MLNR: variants seen among roughly 807,000 people sequenced by gnomAD.
The protein encoded by MLNR is G protein-coupled receptor 38.
In MLNR, 16 loss-of-function variants were observed where a neutral mutation model predicts 20.0. That is an observed-to-expected ratio of 0.80 (90% CI 0.54 to 1.22). The LOEUF is 1.22. Ranked by LOEUF, MLNR falls within the 50% of genes most tolerant of loss-of-function variation. MLNR has a pLI of 0.00. For missense variants in MLNR, 630 were observed against 592.3 expected (o/e 1.06, Z -0.66); for synonymous variants, 302 against 287.2 (o/e 1.05, Z -0.52).
Position 49,220,962 on chromosome 13 carries a change from T to A in MLNR, c.625T>A (p.Trp209Arg), listed in dbSNP as rs1292476393. The change falls in exon 1 of 2, where the codon TGG becomes AGG. Residue 209 changes from tryptophan to arginine, a missense_variant. Transcript: ENST00000218721. The surrounding 1 kb of genome is among the most constrained non-coding windows in gnomAD (Gnocchi z 4.4). ...SSPLASSPPL[W>R]LSRAPPPSPP... Reference sequence around the variant, plus strand: ...GCCTCTCGCCTCGTCGCCGCCTCTCTGGCTCTCGCGGGCGCCACCGCCGTC... The same window carrying A: ...GCCTCTCGCCTCGTCGCCGCCTCTCAGGCTCTCGCGGGCGCCACCGCCGTC... 6.7e-7 allele frequency: 1 copy of A among 1,500,210 alleles called. No homozygotes were observed. The allele number at this position is 1,500,210 out of a possible 1,614,324, so 92.9% of individuals were successfully genotyped here. A position where few individuals can be genotyped will look rare whatever the true frequency, so the allele number is the denominator to read the frequency against.
chr13:49,220,703 C>G lies in MLNR; in HGVS notation c.366C>G (p.Thr122=). 6.3e-7 allele frequency: 1 copy of G among 1,595,700 alleles called. No individual in the cohort carries two copies. Among genetic ancestry groups the G allele is most frequent in the East Asian group, 2.3e-5 (1 of 43,542 alleles). The change falls in exon 1 of 2, where the codon ACC becomes ACG. Residue 122 remains threonine, a synonymous_variant. Coordinates refer to ENST00000218721, the MANE Select transcript of MLNR (RefSeq NM_001507.1). This position sits in a 1 kb window ranked among gnomAD's most constrained non-coding sequence, Gnocchi z 4.4. ...RLSLYVGEGC[T]YATLLHMTAL... is the part of the protein sequence containing the mutation. Reference sequence around the variant, plus strand: ...CCCTCTACGTGGGCGAGGGCTGCACCTACGCCACGCTGCTGCACATGACCG... The same window carrying G: ...CCCTCTACGTGGGCGAGGGCTGCACGTACGCCACGCTGCTGCACATGACCG...
Position 49,222,025 on chromosome 13 carries a change from T to C in MLNR, c.902-15T>C. ...AATGCTTTTGTTAATCCCGGTGCTG[T>C]GTCTTATGTTGCAGTGGTGGTGGTT... is the stretch of plus-strand genomic sequence containing the variant. On this transcript the variant is annotated splice_polypyrimidine_tract_variant and intron_variant, in intron 1 of 1. Coordinates refer to ENST00000218721, the MANE Select transcript of MLNR (RefSeq NM_001507.1). 6.2e-7 allele frequency: 1 copy of C among 1,606,086 alleles called. No individual in the cohort carries two copies. The highest frequency in any genetic ancestry group is 8.5e-7 in the Non-Finnish European group (1 of 1,174,342).
At position 49,220,537 on chromosome 13, in the gene MLNR, G is replaced by A; in HGVS notation, c.200G>A (p.Arg67Gln). 2.5e-6 allele frequency: 4 copies of A among 1,611,624 alleles called. No homozygotes were observed. The highest frequency in any genetic ancestry group is 1.7e-4 in the Middle Eastern group (1 of 6,058). Reference protein sequence around the residue: ...VVTVMLIGRYRDMRTTTNLYL... With the variant: ...VVTVMLIGRYQDMRTTTNLYL... The stretch of plus-strand genomic sequence containing the variant: ...ACCGTGATGCTGATCGGGCGCTACC[G>A]GGACATGCGGACCACCACCAACTTG... The change falls in exon 1 of 2, where the codon CGG becomes CAG. Residue 67 changes from arginine to glutamine, a missense_variant. Coordinates refer to ENST00000218721, the MANE Select transcript of MLNR (RefSeq NM_001507.1). The surrounding 1 kb of genome is among the most constrained non-coding windows in gnomAD (Gnocchi z 4.4).
rs968580223 is a variant in MLNR at position 49,221,295 on chromosome 13, A to G, written c.901+57A>G. The G allele has an allele frequency of 1.4e-5, 21 of 1,513,700 alleles. No individual in the cohort carries two copies. In the African/African-American group the frequency reaches 1.9e-4, roughly 14 times the overall value. 93.8% of individuals were successfully genotyped at this position (1,513,700 alleles called of 1,614,324 possible). ...CTGCCTGCAGTCCGCCCCGCCGGGGACCGCGCAAACGCTGGGTCCCCTTCC... is the reference window on the plus strand; with the variant it reads ...CTGCCTGCAGTCCGCCCCGCCGGGGGCCGCGCAAACGCTGGGTCCCCTTCC... On this transcript the variant is annotated intron_variant, in intron 1 of 1. Transcript: ENST00000218721.
chr13:49,220,521 C>T lies in MLNR; in HGVS notation c.184C>T (p.Leu62=), dbSNP rs1242685604. 1 of 1,608,296 alleles carries T rather than the reference C, an allele frequency of 6.2e-7. No homozygotes were observed. Among genetic ancestry groups the T allele is most frequent in the Admixed American group, 1.7e-5 (1 of 59,538 alleles). Residue 62 remains leucine, a synonymous_variant, in exon 1 of 2, where the codon CTG becomes TTG. Coordinates refer to ENST00000218721, the MANE Select transcript of MLNR (RefSeq NM_001507.1). This position sits in a 1 kb window ranked among gnomAD's most constrained non-coding sequence, Gnocchi z 4.4. ...GAGCGGCAACGTGGTGACCGTGATG[C>T]TGATCGGGCGCTACCGGGACATGCG... ...GVSGNVVTVM[L]IGRYRDMRTT... is the part of the protein sequence containing the mutation.
chr13:49,221,029 T>A lies in MLNR; in HGVS notation c.692T>A (p.Phe231Tyr). 1 of 1,564,520 alleles carries A rather than the reference T, an allele frequency of 6.4e-7. No homozygotes were observed. The highest frequency in any genetic ancestry group is 8.6e-7 in the Non-Finnish European group (1 of 1,166,032). ...GPETAEAAALFSRECRPSPAQ... is the reference protein window; with the variant it reads ...GPETAEAAALYSRECRPSPAQ... The stretch of plus-strand genomic sequence containing the variant: ...GAGACCGCGGAGGCCGCGGCGCTGT[T>A]CAGCCGCGAATGCCGGCCGAGCCCC... Residue 231 changes from phenylalanine (F) to tyrosine (Y), a missense_variant, in exon 1 of 2, where the codon TTC (phenylalanine) becomes TAC (tyrosine). Coordinates refer to ENST00000218721, the MANE Select transcript of MLNR (RefSeq NM_001507.1).
In MLNR at chr13:49,220,928, C is replaced by A; in HGVS notation, c.591C>A (p.Ile197=). The A allele has an allele frequency of 6.5e-7, 1 of 1,533,304 alleles. No individual in the cohort carries two copies. Among genetic ancestry groups the A allele is most frequent in the Non-Finnish European group, 8.8e-7 (1 of 1,142,408 alleles). The allele number at this position is 1,533,304 out of a possible 1,614,324, so 95.0% of individuals were successfully genotyped here. The change falls in exon 1 of 2, where the codon ATC becomes ATA. Residue 197 remains isoleucine (I), a synonymous_variant. Coordinates refer to ENST00000218721, the MANE Select transcript of MLNR (RefSeq NM_001507.1). This position sits in a 1 kb window ranked among gnomAD's most constrained non-coding sequence, Gnocchi z 4.4. ...CGGGCCTCAATGGCACCGCGCGGAT[C>A]GCCTCCTCGCCTCTCGCCTCGTCGC... ...VVPGLNGTAR[I]ASSPLASSPP... is the part of the protein sequence containing the mutation.
At position 49,221,244 on chromosome 13, in the gene MLNR, T is replaced by C. The variant is rs769124059; in HGVS notation, c.901+6T>C. On this transcript the variant is annotated splice_donor_region_variant and intron_variant, in intron 1 of 1. Transcript: ENST00000218721. ...GCAGACCGTCCGCGTCCTGCGTAAG[T>C]GGAGCCGCCGTGGTTCCAAAGACGC... 58 of 1,560,896 alleles carry C rather than the reference T, an allele frequency of 3.7e-5. No homozygotes were observed. In the Middle Eastern group the frequency reaches 5.5e-4, roughly 15 times the overall value.
Position 49,221,035 on chromosome 13 carries a change from G to T in MLNR, c.698G>T (p.Arg233Leu). 1 of 1,565,078 alleles carries T rather than the reference G, an allele frequency of 6.4e-7. No individual in the cohort carries two copies. The change falls in exon 1 of 2, where the codon CGC becomes CTC. Residue 233 changes from arginine to leucine, a missense_variant. Arg to Leu is a moderately radical substitution (Grantham distance 102). Transcript: ENST00000218721. ...GCGGAGGCCGCGGCGCTGTTCAGCCGCGAATGCCGGCCGAGCCCCGCGCAG... is the reference window on the plus strand; with the variant it reads ...GCGGAGGCCGCGGCGCTGTTCAGCCTCGAATGCCGGCCGAGCCCCGCGCAG... Reference protein sequence around the residue: ...ETAEAAALFSRECRPSPAQLG... With the variant: ...ETAEAAALFSLECRPSPAQLG...
rs780511942 is a variant in MLNR at position 49,221,164 on chromosome 13, G to C, written c.827G>C (p.Ser276Thr). The C allele has an allele frequency of 6.3e-7, 1 of 1,588,072 alleles. No individual in the cohort carries two copies. ...GGGCTCATCGGGCGGGAGCTGTGGA[G>C]CAGCCGGCGGCCGCTGCGAGGCCCG... ...LYGLIGRELW[S>T]SRRPLRGPAA... Residue 276 changes from serine (S) to threonine (T), a missense_variant, in exon 1 of 2, where the codon AGC (serine) becomes ACC (threonine). Transcript: ENST00000218721.
rs1202558377 is a variant in MLNR, at chr13:49,220,802, C to T, written c.465C>T (p.Val155=). 23 of 1,569,168 alleles carry T rather than the reference C, an allele frequency of 1.5e-5. No homozygotes were observed. In the East Asian group the frequency reaches 4.0e-4, roughly 28 times the overall value. The change falls in exon 1 of 2, where the codon GTC becomes GTT. Residue 155 remains valine, a synonymous_variant. Coordinates refer to ENST00000218721, the MANE Select transcript of MLNR (RefSeq NM_001507.1). This position sits in a 1 kb window ranked among gnomAD's most constrained non-coding sequence, Gnocchi z 4.4. ...RARVLVTRRR[V]RALIAVLWAV... ...GCGTCTTGGTCACCCGGCGCCGCGT[C>T]CGCGCGCTCATCGCTGTGCTCTGGG...
intron 1 of MLNR, among the ~76,000 whole-genome samples, chr13:49,221,815 C>A (rs946299020): frequency 3.3e-5 from 5 of 152,200 alleles, no homozygotes; most frequent in Admixed American, 6.5e-5. Flanking sequence ...TGGTTTATGT[C>A]CAGCCTTGAT....
chr13:49,220,367 C>A lies in MLNR; in HGVS notation c.30C>A (p.Gly10=), dbSNP rs540731322. MGSPWNGSD[G]PEGAREPPWP... ...GCAGCCCCTGGAACGGCAGCGACGG[C>A]CCCGAGGGGGCGCGGGAGCCGCCGT... Residue 10 remains glycine, a synonymous_variant, in exon 1 of 2, where the codon GGC becomes GGA. Transcript: ENST00000218721. The surrounding 1 kb of genome is among the most constrained non-coding windows in gnomAD (Gnocchi z 4.4). The A allele has an allele frequency of 2.1e-6, 3 of 1,435,990 alleles. No individual in the cohort carries two copies. The highest frequency in any genetic ancestry group is 2.7e-5 in the Admixed American group (1 of 37,210). 89.0% of individuals were successfully genotyped at this position (1,435,990 alleles called of 1,614,324 possible). A position where few individuals can be genotyped will look rare whatever the true frequency, so the allele number is the denominator to read the frequency against.
rs1403449104 is a variant in MLNR at position 49,220,903 on chromosome 13, C to T, written c.566C>T (p.Pro189Leu). ...CAGGACCCCGGCATCTCCGTAGTCC[C>T]GGGCCTCAATGGCACCGCGCGGATC... The part of the protein sequence containing the change: ...VEQDPGISVV[P>L]GLNGTARIAS... The change falls in exon 1 of 2, where the codon CCG becomes CTG. Residue 189 changes from proline to leucine, a missense_variant. Coordinates refer to ENST00000218721, the MANE Select transcript of MLNR (RefSeq NM_001507.1). The surrounding 1 kb of genome is among the most constrained non-coding windows in gnomAD (Gnocchi z 4.4). The T allele has an allele frequency of 1.9e-6, 3 of 1,561,226 alleles. No homozygotes were observed. The highest frequency in any genetic ancestry group is 1.9e-5 in the Admixed American group (1 of 53,942).
rs143619502 is a variant in MLNR, at chr13:49,220,704, T to A, written c.367T>A (p.Tyr123Asn). ...LSLYVGEGCTYATLLHMTALS... is the reference protein window; with the variant it reads ...LSLYVGEGCTNATLLHMTALS... ...CCTCTACGTGGGCGAGGGCTGCACC[T>A]ACGCCACGCTGCTGCACATGACCGC... Residue 123 changes from tyrosine (Y) to asparagine (N), a missense_variant, in exon 1 of 2, where the codon TAC (tyrosine) becomes AAC (asparagine). Coordinates refer to ENST00000218721, the MANE Select transcript of MLNR (RefSeq NM_001507.1). The surrounding 1 kb of genome is among the most constrained non-coding windows in gnomAD (Gnocchi z 4.4). 8 of 1,595,514 alleles carry A rather than the reference T, an allele frequency of 5.0e-6. No homozygotes were observed. The highest frequency in any genetic ancestry group is 6.8e-6 in the Non-Finnish European group (8 of 1,172,608).
chr13:49,221,223 A>T lies in MLNR; in HGVS notation c.886A>T (p.Thr296Ser). The change falls in exon 1 of 2, where the codon ACC becomes TCC. Residue 296 changes from threonine (T) to serine (S), a missense_variant. Thr to Ser is a moderately conservative substitution (Grantham distance 58). Transcript: ENST00000218721. Reference sequence around the variant, plus strand: ...GGGGCGGGAGAGAGGCCACCGGCAGACCGTCCGCGTCCTGCGTAAGTGGAG... The same window carrying T: ...GGGGCGGGAGAGAGGCCACCGGCAGTCCGTCCGCGTCCTGCGTAAGTGGAG... The part of the protein sequence containing the change: ...ASGRERGHRQ[T>S]VRVLLVVVLA... 6.3e-7 allele frequency: 1 copy of T among 1,579,882 alleles called. No individual in the cohort carries two copies. Among genetic ancestry groups the T allele is most frequent in the Non-Finnish European group, 8.5e-7 (1 of 1,171,322 alleles).
chr13:49,222,302 G>C lies in MLNR; in HGVS notation c.1164G>C (p.Gly388=). 6.2e-7 allele frequency: 1 copy of C among 1,614,008 alleles called. No individual in the cohort carries two copies. Among genetic ancestry groups the C allele is most frequent in the Non-Finnish European group, 8.5e-7 (1 of 1,180,028 alleles). The change falls in exon 2 of 2, where the codon GGG becomes GGC. Residue 388 remains glycine, a synonymous_variant. Transcript: ENST00000218721. ...RGFHRSRDTA[G]EVAGDTGGDT... ...TCCACAGAAGCAGGGACACTGCGGG[G>C]GAAGTTGCAGGGGACACTGGAGGAG...
chr13:49,221,541 T>G (rs1002730919), intron 1 of MLNR, among the ~76,000 whole-genome samples: 1 of 152,222 alleles, frequency 6.6e-6, no homozygotes, highest in Non-Finnish European at 1.5e-5. Context: ...TTGGTAATTC[T>G]TAATCCAACC....
At chr13:49,221,324 G>C (rs751867272) in intron 1 of MLNR, 86 bp downstream of exon 1, 294 of 1,377,236 alleles carry the variant, frequency 2.1e-4, no homozygotes, top group Middle Eastern at 1.1e-3. Flanking sequence ...CCCTTCCCCT[G>C]CTCGCCCAGC....
Sources: allele counts gnomAD v4.1 joint callset (sites outside exome capture counted in the v4.1 genomes callset), GRCh38; gene constraint gnomAD v4.1.1; non-coding constraint Gnocchi (gnomAD v3.1); transcripts MANE v1.5; gene names NCBI Gene and HGNC (gene_info 2026-07-23, HGNC 2026-07-21).